DLGAP4: variants seen among roughly 807,000 people sequenced by gnomAD.
DLGAP4 encodes the protein DLG associated protein 4.
A neutral mutation model predicts 86.9 loss-of-function variants in DLGAP4; 18 were observed. The observed-to-expected ratio is 0.21, with a 90% CI of 0.14 to 0.31. The LOEUF (loss-of-function observed/expected upper bound fraction) is 0.31. DLGAP4 is among the 10% of genes least tolerant of loss of function. The probability of loss-of-function intolerance (pLI) is 1.00; values close to 1 mark genes in which losing one functional copy is unlikely to be tolerated. For missense variants in DLGAP4, 1,085 were observed against 1,362.6 expected (o/e 0.80, Z 3.21); for synonymous variants, 548 against 574.3 (o/e 0.95, Z 0.65).
intron 10 of DLGAP4, among the ~76,000 whole-genome samples, chr20:36,522,439 G>A (rs2037433650): frequency 6.6e-6 from 1 of 152,068 alleles, no homozygotes; most frequent in Non-Finnish European, 1.5e-5. Context: ...GGGATTATAG[G>A]TCTGAGCCAC....
intron 6 of DLGAP4, among the ~76,000 whole-genome samples, chr20:36,445,453 G>A (rs1271284334): frequency 3.3e-5 from 5 of 152,152 alleles, no homozygotes; most frequent in African/African-American, 4.8e-5. Flanking sequence ...GCAGTGAGCC[G>A]AGATCGCGCC....
intron 1 of DLGAP4, among the ~76,000 whole-genome samples, chr20:36,337,692 C>G (rs782805626): frequency 2.0e-5 from 3 of 152,208 alleles, no homozygotes; most frequent in Non-Finnish European, 2.9e-5. Flanking sequence ...GCTTCCCCCC[C>G]AGGATGTTTC....
chr20:36,370,325 C>A (rs1644279226), intron 2 of DLGAP4, among the ~76,000 whole-genome samples: 1 of 151,098 alleles, frequency 6.6e-6, no homozygotes, highest in East Asian at 1.9e-4. Context: ...TATAGTGAAA[C>A]CTCATCTCTC....
chr20:36,432,116 T>A lies in DLGAP4; in HGVS notation c.399T>A (p.Gly133=), dbSNP rs778474395. 3.7e-6 allele frequency: 6 copies of A among 1,614,006 alleles called. No individual in the cohort carries two copies. The highest frequency in any genetic ancestry group is 1.7e-5 in the Admixed American group (1 of 60,002). Residue 133 remains glycine, a synonymous_variant, in exon 3 of 13, where the codon GGT becomes GGA. Coordinates refer to ENST00000339266, the MANE Select transcript of DLGAP4 (RefSeq NM_001365621.2). This position sits in a 1 kb window ranked among gnomAD's most constrained non-coding sequence, Gnocchi z 6.5. ...QFPRGEAKAR[G]ESPGRIRHLV... ...CCCGTGGCGAGGCCAAGGCCCGTGG[T>A]GAGAGCCCTGGCCGCATCCGCCACC...
chr20:36,307,654 C>T (rs1156801597), intron 1 of DLGAP4, among the ~76,000 whole-genome samples: 3 of 152,144 alleles, frequency 2.0e-5, no homozygotes, highest in Non-Finnish European at 4.4e-5. Flanking sequence ...GCACCCCCAC[C>T]TGCCTGGAAG....
chr20:36,472,207 C>T (rs2034696547), intron 7 of DLGAP4, among the ~76,000 whole-genome samples: 1 of 152,108 alleles, frequency 6.6e-6, no homozygotes, highest in African/African-American at 2.4e-5. Flanking sequence ...TTTAAAATCA[C>T]TAGCCTAGTG....
At chr20:36,487,447 C>G (rs1802201817) in intron 7 of DLGAP4, among the ~76,000 whole-genome samples, 1 of 152,182 alleles carries the variant, frequency 6.6e-6, no homozygotes, top group South Asian at 2.1e-4. Flanking sequence ...CCCATTGCTG[C>G]TTAGAGCAGC....
chr20:36,391,276 C>T (rs2031776360), intron 2 of DLGAP4, among the ~76,000 whole-genome samples: 1 of 152,206 alleles, frequency 6.6e-6, no homozygotes, highest in Non-Finnish European at 1.5e-5. Context: ...AAACAGGCTG[C>T]CAGCACAGCT....
intron 2 of DLGAP4, among the ~76,000 whole-genome samples, chr20:36,374,446 A>G (rs2425224): frequency 0.96 from 146,659 of 152,318 alleles, 70,648 homozygotes; most frequent in East Asian, 1. Flanking sequence ...ATGTGGTGGG[A>G]GTGCAACTAT....
At chr20:36,315,385 G>A (rs971467244) in intron 1 of DLGAP4, among the ~76,000 whole-genome samples, 151,989 of 151,990 alleles carry the variant, frequency 1, 75,994 homozygotes, top group Middle Eastern at 1. Context: ...CATGGGTCAC[G>A]GGCCTGGAGA....
chr20:36,333,733 G>C (rs1478316323), intron 1 of DLGAP4, among the ~76,000 whole-genome samples: 1 of 152,238 alleles, frequency 6.6e-6, no homozygotes, highest in Non-Finnish European at 1.5e-5. Flanking sequence ...GCCCCTGCTG[G>C]CCTCGAAGCC....
At chr20:36,460,775 C>T (rs2034006053) in intron 7 of DLGAP4, among the ~76,000 whole-genome samples, 1 of 152,182 alleles carries the variant, frequency 6.6e-6, no homozygotes, top group African/African-American at 2.4e-5. Context: ...CCGGCTCGAG[C>T]TGGTCACTTT....
At chr20:36,526,093 C>T (rs1317007887) in intron 12 of DLGAP4, 87 bp downstream of exon 12, 1 of 1,585,236 alleles carries the variant, frequency 6.3e-7, no homozygotes, top group East Asian at 2.2e-5. Context: ...TGCTGCTTGG[C>T]TCCCTTCTCC....
At chr20:36,439,266 C>A (rs528688736) in intron 4 of DLGAP4, among the ~76,000 whole-genome samples, 1 of 152,294 alleles carries the variant, frequency 6.6e-6, no homozygotes, top group South Asian at 2.1e-4. Context: ...ATGACTTGCC[C>A]AGGGTCACCC....
At chr20:36,444,838 C>T (rs981940764) in intron 6 of DLGAP4, among the ~76,000 whole-genome samples, 12 of 151,408 alleles carry the variant, frequency 7.9e-5, no homozygotes, top group African/African-American at 2.9e-4. Context: ...CAGGATTTCT[C>T]CATGTTGGCC....
intron 1 of DLGAP4, among the ~76,000 whole-genome samples, chr20:36,332,608 T>C (rs2065281059): frequency 6.6e-6 from 1 of 152,098 alleles, no homozygotes; most frequent in Non-Finnish European, 1.5e-5. Context: ...CAGGCTGGTC[T>C]CAAACTCCTA....
At chr20:36,512,931 CTTTTTTTTTTTTTTTTTTTTTTT>C (rs57978491) in intron 10 of DLGAP4, among the ~76,000 whole-genome samples, 3 of 23,536 alleles carry the variant, frequency 1.3e-4, no homozygotes, top group Admixed American at 1.0e-3. Context: ...CTCAGAGGCC[CTTTTTTTTTTTTTTTTTTTTTTT>C]TTTTTTTTTT....
chr20:36,428,047 T>G (rs576760041), intron 2 of DLGAP4, among the ~76,000 whole-genome samples: 2 of 152,152 alleles, frequency 1.3e-5, no homozygotes, highest in African/African-American at 4.8e-5. Context: ...TGTGACACAT[T>G]TATTAGAGTA....
intron 1 of DLGAP4, among the ~76,000 whole-genome samples, chr20:36,363,357 A>G (rs1289847863): frequency 6.6e-6 from 1 of 152,228 alleles, no homozygotes; most frequent in Non-Finnish European, 1.5e-5. Flanking sequence ...AAGGAGTCAT[A>G]GCAGCTTTAT....
Sources: allele counts gnomAD v4.1 joint callset (sites outside exome capture counted in the v4.1 genomes callset), GRCh38; gene constraint gnomAD v4.1.1; non-coding constraint Gnocchi (gnomAD v3.1); transcripts MANE v1.5; gene names NCBI Gene and HGNC (gene_info 2026-07-23, HGNC 2026-07-21).